The following ADAM12 variants were observed in gnomAD, a reference collection of about 807,000 sequenced individuals.
ADAM12 encodes the protein disintegrin and metalloproteinase domain-containing protein 12.
A neutral mutation model predicts 106.4 loss-of-function variants in ADAM12; 70 were observed. The ratio of observed to expected loss-of-function variants is 0.66; its 90% CI spans 0.54 to 0.80. ADAM12 has a LOEUF of 0.80. ADAM12 is among the 30% of genes least tolerant of loss of function. The pLI is 0.00. For synonymous variants in ADAM12, 420 were observed against 433.5 expected (o/e 0.97, Z 0.39); for missense variants, 1,010 against 1,171.9 (o/e 0.86, Z 2.02).
At chr10:126,266,930 C>T (rs113087114) in intron 3 of ADAM12, among the ~76,000 whole-genome samples, 4,163 of 152,262 alleles carry the variant, frequency 0.027, 217 homozygotes, top group African/African-American at 0.093. Flanking sequence ...TCCCACCAGG[C>T]TCCACCTCCA....
chr10:126,104,816 G>A (rs1033724210), intron 8 of ADAM12, among the ~76,000 whole-genome samples: 3 of 152,126 alleles, frequency 2.0e-5, no homozygotes, highest in Admixed American at 6.5e-5. Context: ...CTTTCTCCAC[G>A]CAGCAAGCAG....
At chr10:126,046,644 A>C (rs137922855) in intron 16 of ADAM12, among the ~76,000 whole-genome samples, 20 of 151,818 alleles carry the variant, frequency 1.3e-4, no homozygotes, top group African/African-American at 4.6e-4. Context: ...CTCTACTGAA[A>C]ATACAAAAAT....
chr10:126,023,992 T>G (rs922277907), intron 21 of ADAM12, among the ~76,000 whole-genome samples: 1 of 151,606 alleles, frequency 6.6e-6, no homozygotes, highest in African/African-American at 2.4e-5. Context: ...TCCAAAGACT[T>G]CAGATTTGGG....
intron 2 of ADAM12, among the ~76,000 whole-genome samples, chr10:126,315,774 G>A (rs181955633): frequency 2.0e-5 from 3 of 152,090 alleles, no homozygotes; most frequent in Admixed American, 6.6e-5. Context: ...CTGTAGATGT[G>A]TGATTCTTCA....
chr10:126,353,480 G>A (rs113293843), intron 1 of ADAM12, among the ~76,000 whole-genome samples: 49 of 152,280 alleles, frequency 3.2e-4, no homozygotes, highest in African/African-American at 1.2e-3. Context: ...GGGAGGGTCT[G>A]CAGTAACAGC....
At chr10:126,077,983 C>T (rs946107630) in intron 11 of ADAM12, among the ~76,000 whole-genome samples, 3 of 152,178 alleles carry the variant, frequency 2.0e-5, no homozygotes, top group Non-Finnish European at 4.4e-5. Flanking sequence ...ATGAAAATTA[C>T]TTCAAATCTT....
At chr10:126,242,064 C>CA (rs1375880692) in intron 3 of ADAM12, among the ~76,000 whole-genome samples, 1 of 151,072 alleles carries the variant, frequency 6.6e-6, no homozygotes, top group Non-Finnish European at 1.5e-5. Flanking sequence ...CTGCTTGTTT[C>CA]AATTTATGCT....
chr10:126,311,981 C>T (rs1454359929), intron 2 of ADAM12, among the ~76,000 whole-genome samples: 1 of 151,980 alleles, frequency 6.6e-6, no homozygotes, highest in Non-Finnish European at 1.5e-5. Context: ...CACCTGGGGA[C>T]CCTCTATTTG....
chr10:126,343,992 G>A (rs1320548026), intron 1 of ADAM12, among the ~76,000 whole-genome samples: 1 of 152,204 alleles, frequency 6.6e-6, no homozygotes, highest in Non-Finnish European at 1.5e-5. Flanking sequence ...TCTGATGGTA[G>A]TTTCTTTTGC....
chr10:126,218,674 AC>A (rs1234038846), intron 3 of ADAM12, among the ~76,000 whole-genome samples: 2 of 152,206 alleles, frequency 1.3e-5, no homozygotes, highest in Non-Finnish European at 2.9e-5. Flanking sequence ...CACCCATCCC[AC>A]AACACTGGCT....
chr10:126,042,161 C>A (rs1404176724), intron 18 of ADAM12: 1 of 1,613,702 alleles, frequency 6.2e-7, no homozygotes, highest in East Asian at 2.2e-5. Flanking sequence ...GCAGTAGACG[C>A]ATGCTCCTGC....
intron 3 of ADAM12, among the ~76,000 whole-genome samples, chr10:126,270,031 A>G (rs1340718040): frequency 6.6e-6 from 1 of 152,238 alleles, no homozygotes. Context: ...CTTACTCAGG[A>G]AACAAAATTT....
At chr10:126,332,287 G>A (rs1247536075) in intron 1 of ADAM12, among the ~76,000 whole-genome samples, 1 of 152,158 alleles carries the variant, frequency 6.6e-6, no homozygotes, top group Non-Finnish European at 1.5e-5. Context: ...CGTCTATACT[G>A]CTGAGACCCT....
chr10:126,121,165 CTA>C (rs371328899), intron 5 of ADAM12, among the ~76,000 whole-genome samples: 443 of 23,042 alleles, frequency 0.019, 16 homozygotes, highest in East Asian at 0.14. Flanking sequence ...ACTATATATA[CTA>C]TATATACTAT....
chr10:126,103,089 G>A (rs1258652441), intron 8 of ADAM12, among the ~76,000 whole-genome samples: 2 of 152,156 alleles, frequency 1.3e-5, no homozygotes, highest in Non-Finnish European at 2.9e-5. Context: ...GTCAGCAAAG[G>A]ACTAATTGTC....
At chr10:126,118,578 A>C (rs769577307) in intron 5 of ADAM12, among the ~76,000 whole-genome samples, 1 of 152,270 alleles carries the variant, frequency 6.6e-6, no homozygotes, top group Non-Finnish European at 1.5e-5. Flanking sequence ...ACTGTATCTG[A>C]ATTAGCAGAC....
chr10:126,231,033 G>A (rs1958299427), intron 3 of ADAM12, among the ~76,000 whole-genome samples: 1 of 152,122 alleles, frequency 6.6e-6, no homozygotes, highest in Admixed American at 6.5e-5. Flanking sequence ...TATTAAGAAC[G>A]TAAGACATCA....
At chr10:126,340,962 G>A (rs1301486990) in intron 1 of ADAM12, among the ~76,000 whole-genome samples, 3 of 151,874 alleles carry the variant, frequency 2.0e-5, no homozygotes, top group Admixed American at 6.6e-5. Flanking sequence ...TGATCCACCC[G>A]CCTCAGCCTC....
Position 126,049,749 on chromosome 10 carries a change from T to C in ADAM12, c.1610-80A>G. ...CATGGCTGTAGGCCTCTCAAATGGTTACGGGGAGACGTGCTCAAAGCAATC... is the reference window on the plus strand; with the variant it reads ...CATGGCTGTAGGCCTCTCAAATGGTCACGGGGAGACGTGCTCAAAGCAATC... On this transcript the variant is annotated intron_variant, in intron 14 of 22. Transcript: ENST00000448723. This position sits in a 1 kb window ranked among gnomAD's most constrained non-coding sequence, Gnocchi z 4.4. The C allele has an allele frequency of 7.9e-7, 1 of 1,259,142 alleles. No individual in the cohort carries two copies. The highest frequency in any genetic ancestry group is 1.3e-5 in the South Asian group (1 of 76,154). 78.0% of individuals were successfully genotyped at this position (1,259,142 alleles called of 1,614,324 possible). A position where few individuals can be genotyped will look rare whatever the true frequency, so the allele number is the denominator to read the frequency against.
Sources: gnomAD v4.1 joint callset for allele counts (sites outside exome capture counted in the v4.1 genomes callset) on GRCh38, gnomAD v4.1.1 for gene constraint, Gnocchi (gnomAD v3.1) non-coding constraint, MANE v1.5 for transcripts, NCBI Gene and HGNC (gene_info 2026-07-23, HGNC 2026-07-21) for gene names.